The following AP1G1 variants were observed in gnomAD, a reference collection of about 807,000 sequenced individuals.
AP1G1 encodes the protein adaptor related protein complex 1 subunit gamma 1.
AP1G1 carries 7 observed loss-of-function variants against 108.3 expected under a neutral mutation model. The ratio of observed to expected loss-of-function variants is 0.06; its 90% CI spans 0.04 to 0.12. The LOEUF (loss-of-function observed/expected upper bound fraction) is 0.12, where lower values mean the gene tolerates loss of function less well. Ranked by LOEUF, AP1G1 falls within the 10% of genes least tolerant of loss-of-function variation. The pLI, the probability that AP1G1 is intolerant of heterozygous loss-of-function variation, is 1.00. For missense variants in AP1G1, 756 were observed against 1,010.7 expected (o/e 0.75, Z 3.42); for synonymous variants, 379 against 353.5 (o/e 1.07, Z -0.81).
At chr16:71,802,075 G>T (rs1171952121) in intron 1 of AP1G1, among the ~76,000 whole-genome samples, 1 of 152,094 alleles carries the variant, frequency 6.6e-6, no homozygotes, top group Non-Finnish European at 1.5e-5. Context: ...AAGCATTTCA[G>T]ATAAGAGATA....
At chr16:71,768,917 C>CAAAAA (rs58725744) in intron 6 of AP1G1, among the ~76,000 whole-genome samples, 71 of 42,008 alleles carry the variant, frequency 1.7e-3, no homozygotes, top group Non-Finnish European at 1.8e-3. Flanking sequence ...GACTCTGTCT[C>CAAAAA]AAAAAAAAAA....
intron 16 of AP1G1, chr16:71,747,136 G>GT (rs1159127277): frequency 1.3e-5 from 2 of 152,312 alleles, no homozygotes; most frequent in African/African-American, 4.8e-5. Flanking sequence ...AATTTTAAAA[G>GT]TAATTCAATA....
intron 1 of AP1G1, chr16:71,808,419 G>T: frequency 2.6e-6 from 3 of 1,134,796 alleles, no homozygotes; most frequent in Non-Finnish European, 3.4e-6. Flanking sequence ...GCGGGGGTGG[G>T]GCCCGCCCCG....
intron 1 of AP1G1, among the ~76,000 whole-genome samples, chr16:71,796,946 G>A (rs1219330496): frequency 6.6e-6 from 1 of 151,628 alleles, no homozygotes; most frequent in Admixed American, 6.6e-5. Context: ...GAGGAGGGCA[G>A]AATGCTTGAT....
At chr16:71,771,376 G>A (rs2031562921) in intron 4 of AP1G1, 124 bp from the exon 5 acceptor site, 1 of 594,206 alleles carries the variant, frequency 1.7e-6, no homozygotes. Flanking sequence ...AAATAAAGAA[G>A]GAAGAGGTTA....
chr16:71,801,781 G>A (rs145333365), intron 1 of AP1G1, among the ~76,000 whole-genome samples: 1 of 152,064 alleles, frequency 6.6e-6, no homozygotes, highest in Admixed American at 6.6e-5. Flanking sequence ...AATTAGCCAG[G>A]CGTGGTGGCG....
At chr16:71,739,125 G>A in intron 20 of AP1G1, 23 bp from the exon 21 acceptor site, 1 of 1,613,632 alleles carries the variant, frequency 6.2e-7, no homozygotes, top group Non-Finnish European at 8.5e-7. Context: ...AGGAAGATAA[G>A]TCTTATTGTA....
At chr16:71,789,214 T>C (rs11645475) in intron 2 of AP1G1, 65 bp downstream of exon 2, 78,968 of 1,454,098 alleles carry the variant, frequency 0.054, 2,535 homozygotes, top group East Asian at 0.097. Context: ...CAGAAAAAGA[T>C]GGACAATCCC....
intron 5 of AP1G1, 40 bp from the exon 6 acceptor site, chr16:71,769,739 A>C: frequency 6.6e-7 from 1 of 1,522,342 alleles, no homozygotes; most frequent in Middle Eastern, 1.7e-4. Flanking sequence ...AATGAGGCCT[A>C]TTATTCAATT....
rs555738595 is a variant in AP1G1 at position 71,755,300 on chromosome 16, G to T, written c.1229+719C>A. ...ACAAACCCAGAAATTAGCAGGGTGT[G>T]GTGGCGTAAGCCTATGGTCCCAGCT... On this transcript the variant is annotated intron_variant, in intron 12 of 22. Coordinates refer to ENST00000299980, the MANE Select transcript of AP1G1 (RefSeq NM_001128.6). 2.6e-5 allele frequency among the ~76,000 whole-genome samples: 4 copies of T among 152,250 alleles called. No individual in the cohort carries two copies. In the South Asian group the frequency reaches 8.3e-4, roughly 32 times the overall value.
chr16:71,768,910 T>C lies in AP1G1; in HGVS notation c.642+713A>G, dbSNP rs539402621. 1.1e-4 allele frequency among the ~76,000 whole-genome samples: 8 copies of C among 73,894 alleles called. No individual in the cohort carries two copies. In the East Asian group the frequency reaches 4.1e-3, roughly 38 times the overall value. The allele number at this position is 73,894 out of a possible 152,430, so 48.5% of individuals were successfully genotyped here. A position where few individuals can be genotyped will look rare whatever the true frequency, so the allele number is the denominator to read the frequency against. On this transcript the variant is annotated intron_variant, in intron 6 of 22. Transcript: ENST00000299980. ...TCCAGCATGGGCGACAGAGCAAGAC[T>C]CTGTCTCAAAAAAAAAAAAAAAAAA... is the stretch of plus-strand genomic sequence containing the variant.
rs186779827 is a variant in AP1G1 at position 71,759,086 on chromosome 16, C to T, written c.975-165G>A. 2.7e-3 allele frequency among the ~76,000 whole-genome samples: 408 copies of T among 152,228 alleles called. 5 individuals are homozygous for T. Among genetic ancestry groups the T allele is most frequent in the Non-Finnish European group, 4.6e-3 (316 of 68,012 alleles). ...AAAAGTAACATTTCAAAGGTATAAG[C>T]GATACCATAATCTAAAATAGTGGCA... On this transcript the variant is annotated intron_variant, in intron 10 of 22. Coordinates refer to ENST00000299980, the MANE Select transcript of AP1G1 (RefSeq NM_001128.6).
chr16:71,762,805 A>G (rs1441630981), intron 9 of AP1G1, among the ~76,000 whole-genome samples: 1 of 152,190 alleles, frequency 6.6e-6, no homozygotes, highest in Middle Eastern at 3.4e-3. Flanking sequence ...CCACTCTAGC[A>G]AACTAACCAA....
chr16:71,749,317 A>G (rs1230905488), intron 15 of AP1G1, among the ~76,000 whole-genome samples: 2 of 151,844 alleles, frequency 1.3e-5, no homozygotes, highest in African/African-American at 4.8e-5. Context: ...CCCTGTCTCT[A>G]CAAAAAAAAA....
intron 10 of AP1G1, among the ~76,000 whole-genome samples, chr16:71,760,126 C>G (rs192900189): frequency 6.6e-6 from 1 of 152,136 alleles, no homozygotes; most frequent in African/African-American, 2.4e-5. Flanking sequence ...CCACCTTAGC[C>G]TGCCAAAGTG....
intron 6 of AP1G1, chr16:71,766,526 T>G (rs186173831): frequency 2.3e-6 from 1 of 430,386 alleles, no homozygotes; most frequent in East Asian, 7.3e-5. Context: ...AAAACTCAAT[T>G]TTTAGCTATA....
At chr16:71,759,257 A>G (rs2030959254) in intron 10 of AP1G1, among the ~76,000 whole-genome samples, 1 of 151,684 alleles carries the variant, frequency 6.6e-6, no homozygotes, top group South Asian at 2.1e-4. Flanking sequence ...CAGGAGTTCA[A>G]GACCAGCCTG....
chr16:71,754,722 G>C (rs1169131433), intron 12 of AP1G1, among the ~76,000 whole-genome samples: 1 of 152,010 alleles, frequency 6.6e-6, no homozygotes, highest in Non-Finnish European at 1.5e-5. Flanking sequence ...GATGGCTTAA[G>C]CCCAGAAGTC....
intron 2 of AP1G1, among the ~76,000 whole-genome samples, chr16:71,781,359 A>G (rs2032009105): frequency 6.6e-6 from 1 of 152,230 alleles, no homozygotes; most frequent in Non-Finnish European, 1.5e-5. Flanking sequence ...ATTCCACTCA[A>G]AATACATAAA....
Sources: allele counts gnomAD v4.1 joint callset (sites outside exome capture counted in the v4.1 genomes callset), GRCh38; gene constraint gnomAD v4.1.1; transcripts MANE v1.5; gene names NCBI Gene and HGNC (gene_info 2026-07-23, HGNC 2026-07-21).